Variants in PCDH15 observed in about 807,000 individuals in gnomAD.
The protein encoded by PCDH15 is protocadherin-15.
PCDH15 carries 129 observed loss-of-function variants against 178.5 expected under a neutral mutation model. The ratio of observed to expected loss-of-function variants is 0.72; its 90% CI spans 0.63 to 0.84. PCDH15 has a LOEUF of 0.84. PCDH15 is among the 40% of genes least tolerant of loss of function. The probability of loss-of-function intolerance (pLI) is 0.00; values close to 1 mark genes in which losing one functional copy is unlikely to be tolerated. For missense variants in PCDH15, 2,230 were observed against 2,099.9 expected (o/e 1.06, Z -1.21); for synonymous variants, 800 against 732.0 (o/e 1.09, Z -1.50).
intron 2 of PCDH15, among the ~76,000 whole-genome samples, chr10:55,600,367 A>G (rs976176607): frequency 2.0e-5 from 3 of 151,662 alleles, no homozygotes; most frequent in Non-Finnish European, 4.4e-5. Context: ...CTGTCTTAAA[A>G]AAAAAAAAAA....
intron 37 of PCDH15, among the ~76,000 whole-genome samples, chr10:53,807,765 A>G (rs1417295814): frequency 1.3e-5 from 2 of 152,176 alleles, no homozygotes; most frequent in African/African-American, 4.8e-5. Context: ...AAAAGGAAAT[A>G]TCTTCTCAGC....
chr10:54,958,544 A>T (rs953196698), intron 2 of PCDH15, among the ~76,000 whole-genome samples: 1 of 151,890 alleles, frequency 6.6e-6, no homozygotes, highest in Non-Finnish European at 1.5e-5. Context: ...TAAACATTTA[A>T]ATATCAAAGA....
intron 32 of PCDH15, chr10:53,822,859 T>C: frequency 6.2e-7 from 1 of 1,614,142 alleles, no homozygotes; most frequent in Non-Finnish European, 8.5e-7. Flanking sequence ...AGCAATGGAT[T>C]GCTGCTACCT....
intron 2 of PCDH15, among the ~76,000 whole-genome samples, chr10:55,604,421 C>T (rs1426235643): frequency 6.6e-6 from 1 of 152,000 alleles, no homozygotes; most frequent in East Asian, 1.9e-4. Flanking sequence ...GAACTCTCCA[C>T]CCCATATCAA....
At chr10:54,684,720 T>C (rs1042669491) in intron 1 of PCDH15, among the ~76,000 whole-genome samples, 3 of 152,092 alleles carry the variant, frequency 2.0e-5, no homozygotes, top group African/African-American at 7.2e-5. Flanking sequence ...TAAATCAGAT[T>C]TTCAAAGTTT....
chr10:54,192,669 A>C (rs7084052), intron 11 of PCDH15, among the ~76,000 whole-genome samples: 35,326 of 151,970 alleles, frequency 0.23, 6,185 homozygotes, highest in African/African-American at 0.5. Context: ...ATTTTTAAAA[A>C]TTTTATTACT....
intron 8 of PCDH15, among the ~76,000 whole-genome samples, chr10:54,288,017 T>A (rs1173545189): frequency 6.6e-6 from 1 of 152,052 alleles, no homozygotes; most frequent in African/African-American, 2.4e-5. Flanking sequence ...TTGATGATGA[T>A]GATGATGGGA....
intron 18 of PCDH15, among the ~76,000 whole-genome samples, chr10:54,031,553 G>GAA (rs150262537): frequency 3.9e-4 from 51 of 129,404 alleles, no homozygotes; most frequent in South Asian, 2.6e-3. Context: ...GGTAGAGAAG[G>GAA]AAAAAAAAAA....
chr10:55,208,785 T>C (rs970485374), intron 1 of PCDH15, among the ~76,000 whole-genome samples: 13 of 152,010 alleles, frequency 8.6e-5, no homozygotes, highest in Admixed American at 7.9e-4. Context: ...ACAAAATGAA[T>C]TGTTTAAAAC....
intron 3 of PCDH15, among the ~76,000 whole-genome samples, chr10:54,876,502 A>G (rs906166326): frequency 2.6e-5 from 4 of 152,170 alleles, no homozygotes; most frequent in Admixed American, 2.0e-4. Context: ...TGGAATCACC[A>G]TTCTAGATGC....
At chr10:55,032,077 A>T in intron 2 of PCDH15, among the ~76,000 whole-genome samples, 1 of 152,340 alleles carries the variant, frequency 6.6e-6, no homozygotes, top group East Asian at 1.9e-4. Context: ...GGGATCTACC[A>T]AGGGCTCAGA....
At chr10:53,896,770 G>A (rs1206863266) in intron 26 of PCDH15, among the ~76,000 whole-genome samples, 1 of 152,020 alleles carries the variant, frequency 6.6e-6, no homozygotes, top group African/African-American at 2.4e-5. Context: ...AAACCCTATC[G>A]TGACCTGCGC....
rs190230112 is a variant in PCDH15 at position 55,082,628 on chromosome 10, T to C, written c.-80+83948A>G. Among the ~76,000 whole-genome samples, 517 of 148,688 alleles carry C rather than the reference T, an allele frequency of 3.5e-3. 4 individuals carry two copies. The highest frequency in any genetic ancestry group is 0.012 in the African/African-American group (491 of 41,010). On this transcript the variant is annotated intron_variant, in intron 2 of 5. Coordinates refer to the PCDH15 transcript ENST00000458638. Reference sequence around the variant, plus strand: ...AATATCAACAAAAAGAAAAGTTGCTTTTTAAAAAGATAAAATTGACAAATC... The same window carrying C: ...AATATCAACAAAAAGAAAAGTTGCTCTTTAAAAAGATAAAATTGACAAATC...
chr10:54,057,952 T>C (rs1052043898), intron 18 of PCDH15, among the ~76,000 whole-genome samples: 1 of 152,152 alleles, frequency 6.6e-6, no homozygotes, highest in Non-Finnish European at 1.5e-5. Flanking sequence ...TAACTCCAGT[T>C]CCCAACAAGT....
At chr10:55,128,655 T>G (rs1175804814) in intron 2 of PCDH15, among the ~76,000 whole-genome samples, 1 of 152,034 alleles carries the variant, frequency 6.6e-6, no homozygotes, top group East Asian at 1.9e-4. Flanking sequence ...ATTCAGAAAT[T>G]TTCCTTGCCT....
intron 21 of PCDH15, among the ~76,000 whole-genome samples, chr10:53,980,692 T>C (rs551764484): frequency 2.0e-4 from 31 of 152,314 alleles, no homozygotes; most frequent in African/African-American, 7.5e-4. Flanking sequence ...TCCTATATGA[T>C]TACAAGGTTT....
intron 27 of PCDH15, among the ~76,000 whole-genome samples, chr10:53,862,239 C>T (rs1471128718): frequency 5.3e-5 from 8 of 151,888 alleles, no homozygotes; most frequent in African/African-American, 1.7e-4. Context: ...TTAATAGAGA[C>T]GAGGTTTCAC....
chr10:53,845,946 T>TTA (rs994279988), intron 28 of PCDH15, among the ~76,000 whole-genome samples: 1 of 151,052 alleles, frequency 6.6e-6, no homozygotes, highest in African/African-American at 2.4e-5. Flanking sequence ...TCAGTACACA[T>TTA]TATATATATA....
chr10:54,059,256 T>G (rs930339110), intron 18 of PCDH15, among the ~76,000 whole-genome samples: 1 of 152,176 alleles, frequency 6.6e-6, no homozygotes, highest in Non-Finnish European at 1.5e-5. Flanking sequence ...CTTTTAAACA[T>G]GAACATTTGA....
Sources: allele counts gnomAD v4.1 joint callset (sites outside exome capture counted in the v4.1 genomes callset), GRCh38; gene constraint gnomAD v4.1.1; transcripts MANE v1.5; gene names NCBI Gene and HGNC (gene_info 2026-07-23, HGNC 2026-07-21).